Variants in PKHD1 observed in about 807,000 individuals in gnomAD.
PKHD1 encodes PKHD1 ciliary IPT domain containing fibrocystin/polyductin.
PKHD1 carries 291 observed loss-of-function variants against 412.0 expected under a neutral mutation model. The ratio of observed to expected loss-of-function variants is 0.71; its 90% confidence interval spans 0.64 to 0.78. The LOEUF (loss-of-function observed/expected upper bound fraction) is 0.78. Ranked by LOEUF, PKHD1 falls within the 30% of genes least tolerant of loss-of-function variation. The probability of loss-of-function intolerance (pLI) is 0.00; values close to 1 mark genes in which losing one functional copy is unlikely to be tolerated. For missense variants in PKHD1, 4,825 were observed against 4,950.7 expected, an observed-to-expected ratio of 0.97 and a Z score of 0.76; for synonymous variants, 1,777 against 1,821.5, an observed-to-expected ratio of 0.98 and a Z score of 0.62.
intron 37 of PKHD1, among the ~76,000 whole-genome samples, chr6:51,923,022 T>C (rs1358544246): frequency 6.6e-6 from 1 of 152,210 alleles, no homozygotes; most frequent in Non-Finnish European, 1.5e-5. Flanking sequence ...TCTTCTGCGT[T>C]GCTCATGCTG....
chr6:51,995,233 C>T (rs527694192), intron 35 of PKHD1, among the ~76,000 whole-genome samples: 3 of 152,302 alleles, frequency 2.0e-5, no homozygotes, highest in African/African-American at 7.2e-5. Flanking sequence ...TGCCATCAGG[C>T]CACAGCTCAG....
chr6:51,755,221 G>C (rs1429710649), intron 55 of PKHD1, among the ~76,000 whole-genome samples: 1 of 152,160 alleles, frequency 6.6e-6, no homozygotes, highest in Admixed American at 6.6e-5. Context: ...AGTTCCAGAG[G>C]TTAGTACACA....
At chr6:52,030,378 T>C (rs1422070503) in intron 29 of PKHD1, among the ~76,000 whole-genome samples, 2 of 152,306 alleles carry the variant, frequency 1.3e-5, no homozygotes, top group East Asian at 3.9e-4. Context: ...TCTGGCATGA[T>C]ATAGCACACA....
In PKHD1 at chr6:51,833,380, C is replaced by T. The variant is rs147259967; in HGVS notation, c.8174-2391G>A. Reference sequence around the variant, plus strand: ...TACAAATTTAATTATTCTATACCATCCTGCTTAAGATAAGAACACTAAGGG... The same window carrying T: ...TACAAATTTAATTATTCTATACCATTCTGCTTAAGATAAGAACACTAAGGG... On this transcript the variant is annotated intron_variant, in intron 51 of 66. Transcript: ENST00000371117. 1.4e-3 allele frequency among the ~76,000 whole-genome samples: 214 copies of T among 152,230 alleles called. 1 individual carries two copies. The highest frequency in any genetic ancestry group is 4.8e-3 in the African/African-American group (201 of 41,534).
At chr6:51,892,172 A>T (rs1252999333) in intron 43 of PKHD1, among the ~76,000 whole-genome samples, 1 of 152,178 alleles carries the variant, frequency 6.6e-6, no homozygotes, top group Non-Finnish European at 1.5e-5. Flanking sequence ...GCAATTCTCC[A>T]ATTTCCTAAA....
intron 4 of PKHD1, among the ~76,000 whole-genome samples, chr6:52,081,738 T>C (rs1212874928): frequency 6.6e-6 from 1 of 152,148 alleles, no homozygotes; most frequent in Non-Finnish European, 1.5e-5. Flanking sequence ...GTGATTTCCA[T>C]AGCCAAACAT....
intron 43 of PKHD1, among the ~76,000 whole-genome samples, chr6:51,895,194 C>A (rs1230592964): frequency 1.3e-5 from 2 of 152,218 alleles, no homozygotes; most frequent in African/African-American, 4.8e-5. Flanking sequence ...TGGCTCACAC[C>A]TGTAATTCCA....
chr6:51,665,689 C>G (rs1030772158), intron 60 of PKHD1, among the ~76,000 whole-genome samples: 28 of 152,104 alleles, frequency 1.8e-4, no homozygotes, highest in African/African-American at 6.8e-4. Context: ...TTCAGAGTCT[C>G]TTAAAATGTA....
At chr6:51,854,766 T>C (rs1772969367) in intron 49 of PKHD1, among the ~76,000 whole-genome samples, 2 of 152,146 alleles carry the variant, frequency 1.3e-5, no homozygotes, top group African/African-American at 2.4e-5. Context: ...GACAAAGCCA[T>C]CCAGCCTCCC....
Position 51,748,663 on chromosome 6 carries a change from C to A in PKHD1, c.8953G>T (p.Val2985Phe). The change falls in exon 58 of 67, where the codon GTC (valine) becomes TTC (phenylalanine). Residue 2985 changes from valine (V) to phenylalanine (F), a missense_variant and splice_region_variant. By Grantham distance (50) the Val-to-Phe change is conservative (BLOSUM62 -1). Transcript: ENST00000371117. ...RKSSREEFSG[V>F]LQLLNVEIQN... ...ATTTCCACATTAAGAAGTTGAAGGACACCTATAAACAAATGCATGTCATCA... is the reference window on the plus strand; with the variant it reads ...ATTTCCACATTAAGAAGTTGAAGGAAACCTATAAACAAATGCATGTCATCA... 1.2e-6 allele frequency: 2 copies of A among 1,613,472 alleles called. No individual in the cohort carries two copies. Among genetic ancestry groups the A allele is most frequent in the Non-Finnish European group, 1.7e-6 (2 of 1,179,604 alleles).
chr6:51,649,289 A>G (rs1581832657), intron 61 of PKHD1, 69 bp from the exon 62 acceptor site: 1 of 1,183,474 alleles, frequency 8.4e-7, no homozygotes, highest in Non-Finnish European at 1.3e-6. Flanking sequence ...GCAATTTTCC[A>G]CAATCCATTA....
chr6:51,681,420 A>C (rs1776646225), intron 60 of PKHD1, among the ~76,000 whole-genome samples: 1 of 152,092 alleles, frequency 6.6e-6, no homozygotes, highest in African/African-American at 2.4e-5. Flanking sequence ...CTAGCAAATA[A>C]ATACTGCCAC....
chr6:51,849,455 T>C (rs1771792118), intron 49 of PKHD1, among the ~76,000 whole-genome samples: 1 of 152,210 alleles, frequency 6.6e-6, no homozygotes, highest in African/African-American at 2.4e-5. Context: ...TTCTAGGTCC[T>C]TGAGGAATTG....
In PKHD1 at chr6:51,657,620, G is replaced by A. The variant is rs74473811; in HGVS notation, c.11174+1332C>T. ...TGAGTCAAAAGTAAAAAAACATGATGGCTATGACAAATGGTGGGTGATAAA... is the reference window on the plus strand; with the variant it reads ...TGAGTCAAAAGTAAAAAAACATGATAGCTATGACAAATGGTGGGTGATAAA... On this transcript the variant is annotated intron_variant, in intron 61 of 66. Coordinates refer to ENST00000371117, the MANE Select transcript of PKHD1 (RefSeq NM_138694.4). 6.5e-4 allele frequency among the ~76,000 whole-genome samples: 99 copies of A among 152,202 alleles called. 1 individual carries two copies. The East Asian group carries it at 0.019, about 29-fold the overall frequency.
chr6:51,822,776 A>G (rs1458357387), intron 52 of PKHD1, among the ~76,000 whole-genome samples: 1 of 152,070 alleles, frequency 6.6e-6, no homozygotes, highest in Non-Finnish European at 1.5e-5. Flanking sequence ...ATTTCTATTG[A>G]TGGTACCCCT....
chr6:51,868,053 C>T lies in PKHD1; in HGVS notation c.7543G>A (p.Ala2515Thr), dbSNP rs1054137679. Residue 2515 changes from alanine to threonine, a missense_variant, in exon 48 of 67, where the codon GCA (alanine) becomes ACA (threonine). By Grantham distance (58) the Ala-to-Thr change is moderately conservative (BLOSUM62 0). Coordinates refer to ENST00000371117, the MANE Select transcript of PKHD1 (RefSeq NM_138694.4). Reference protein sequence around the residue: ...LKFTNSSNLVAFPFPHAAILE... With the variant: ...LKFTNSSNLVTFPFPHAAILE... Reference sequence around the variant, plus strand: ...ATTGCTGCATGAGGAAATGGAAATGCCACTAAGTTTGAAGAGTTTGTAAAC... The same window carrying T: ...ATTGCTGCATGAGGAAATGGAAATGTCACTAAGTTTGAAGAGTTTGTAAAC... The T allele has an allele frequency of 1.1e-5, 18 of 1,610,928 alleles. No individual in the cohort carries two copies. The highest frequency in any genetic ancestry group is 1.5e-5 in the Non-Finnish European group (18 of 1,177,332).
intron 43 of PKHD1, among the ~76,000 whole-genome samples, chr6:51,896,889 G>A (rs1234137202): frequency 5.3e-5 from 8 of 152,170 alleles, no homozygotes; most frequent in African/African-American, 9.7e-5. Context: ...GGAGCCATGC[G>A]ATCAACTGGA....
intron 43 of PKHD1, among the ~76,000 whole-genome samples, chr6:51,898,210 C>A (rs1780481401): frequency 6.6e-6 from 1 of 151,948 alleles, no homozygotes; most frequent in African/African-American, 2.4e-5. Context: ...ACAGAATATA[C>A]ATTTTTTTCA....
chr6:51,792,635 G>T (rs540633838), intron 52 of PKHD1, among the ~76,000 whole-genome samples: 2 of 152,308 alleles, frequency 1.3e-5, no homozygotes, highest in South Asian at 4.1e-4. Context: ...TAAAATGTGG[G>T]AAAAATTAAA....
Sources: allele counts gnomAD v4.1 joint callset (sites outside exome capture counted in the v4.1 genomes callset), GRCh38; gene constraint gnomAD v4.1.1; transcripts MANE v1.5; gene names NCBI Gene and HGNC (gene_info 2026-07-23, HGNC 2026-07-21).